SOX5: variants seen among roughly 807,000 people sequenced by gnomAD.
The protein encoded by SOX5 is SRY-box transcription factor 5.
SOX5 carries 9 observed loss-of-function variants against 92.0 expected under a neutral mutation model. The observed-to-expected ratio is 0.10, with a 90% CI of 0.06 to 0.17. The LOEUF is 0.17. Ranked by LOEUF, SOX5 falls within the 10% of genes least tolerant of loss-of-function variation. The pLI is 1.00. For missense variants in SOX5, 642 were observed against 944.5 expected (o/e 0.68, Z 4.20); for synonymous variants, 344 against 336.3 (o/e 1.02, Z -0.25).
chr12:23,638,113 C>A (rs10842196), intron 8 of SOX5: 6 of 152,096 alleles, frequency 3.9e-5, no homozygotes, highest in Non-Finnish European at 7.4e-5. Flanking sequence ...CAGACCTGGC[C>A]ACCCCTCTCT....
intron 4 of SOX5, among the ~76,000 whole-genome samples, chr12:24,095,130 G>C (rs113573152): frequency 0.1 from 4,933 of 48,052 alleles, 177 homozygotes; most frequent in African/African-American, 0.25. Flanking sequence ...CACACACACA[G>C]AGAGAGAGAG....
At chr12:23,686,940 T>C (rs924614382) in intron 6 of SOX5, among the ~76,000 whole-genome samples, 6 of 152,078 alleles carry the variant, frequency 3.9e-5, no homozygotes, top group Non-Finnish European at 7.4e-5. Flanking sequence ...TGACAGGCAG[T>C]CTTTATTTAA....
At chr12:24,476,411 C>T (rs1945384785) in intron 1 of SOX5, among the ~76,000 whole-genome samples, 1 of 152,162 alleles carries the variant, frequency 6.6e-6, no homozygotes, top group African/African-American at 2.4e-5. Flanking sequence ...ACTGCTGCTC[C>T]AGAGAACTCA....
chr12:24,124,562 C>CAAA (rs35701853), intron 4 of SOX5, among the ~76,000 whole-genome samples: 6 of 133,668 alleles, frequency 4.5e-5, no homozygotes, highest in South Asian at 4.6e-4. Context: ...AGGAATGGGA[C>CAAA]AAAAAAAAAA....
chr12:23,688,773 C>T (rs1020375550), intron 6 of SOX5, among the ~76,000 whole-genome samples: 1 of 152,062 alleles, frequency 6.6e-6, no homozygotes, highest in Non-Finnish European at 1.5e-5. Context: ...GTAAATATCA[C>T]ATACATGTAC....
intron 4 of SOX5, among the ~76,000 whole-genome samples, chr12:24,040,467 GT>G (rs1245004890): frequency 5.3e-5 from 8 of 152,294 alleles, no homozygotes; most frequent in African/African-American, 1.9e-4. Context: ...TGCCCTTGTG[GT>G]TGTTCAAAAA....
At chr12:24,287,744 T>A (rs1946079031) in intron 2 of SOX5, among the ~76,000 whole-genome samples, 1 of 152,126 alleles carries the variant, frequency 6.6e-6, no homozygotes, top group South Asian at 2.1e-4. Context: ...TCATTTTTAC[T>A]TAAGCGATCT....
Position 23,555,815 on chromosome 12 carries a change from C to T in SOX5, c.1488+7443G>A, listed in dbSNP as rs374308246. ...CTCTGATCTTTGCAGTCTGCAGACT[C>T]GGCATGTATTTCAATTAAATACCCC... is the stretch of plus-strand genomic sequence containing the variant. On this transcript the variant is annotated intron_variant, in intron 11 of 14. Transcript: ENST00000451604. 7.9e-5 allele frequency among the ~76,000 whole-genome samples: 12 copies of T among 152,106 alleles called. No homozygotes were observed. The East Asian group carries it at 1.2e-3, about 15-fold the overall frequency.
rs891793819 is a variant in SOX5, at chr12:24,471,015, A to G, written c.-251+91314T>C. 2.0e-5 allele frequency among the ~76,000 whole-genome samples: 3 copies of G among 152,304 alleles called. No individual in the cohort carries two copies. In the East Asian group the frequency reaches 5.8e-4, roughly 29 times the overall value. ...TGATCCATTACCATTCACAAATAAG[A>G]TAATATTTTTCTTCAAAATAATCAG... On this transcript the variant is annotated intron_variant, in intron 1 of 4. Coordinates refer to the SOX5 transcript ENST00000446891.
At chr12:23,906,868 C>A (rs1021488531) in intron 1 of SOX5, among the ~76,000 whole-genome samples, 3 of 151,704 alleles carry the variant, frequency 2.0e-5, no homozygotes, top group African/African-American at 2.4e-5. Context: ...AAATCAGAAG[C>A]CTTTTGGATT....
rs1024469279 is a variant in SOX5, at chr12:23,707,800, C to G, written c.810+26884G>C. 2.6e-5 allele frequency among the ~76,000 whole-genome samples: 4 copies of G among 152,128 alleles called. No homozygotes were observed. The South Asian group carries it at 8.3e-4, about 32-fold the overall frequency. On this transcript the variant is annotated intron_variant, in intron 6 of 14. Coordinates refer to ENST00000451604, the MANE Select transcript of SOX5 (RefSeq NM_006940.6). ...CATAAAGAACTAAGAAGTTAATTTG[C>G]ACTTCCACACATTTTCATTAAAACA...
At chr12:24,358,930 C>G (rs1227831575) in intron 2 of SOX5, among the ~76,000 whole-genome samples, 1 of 152,202 alleles carries the variant, frequency 6.6e-6, no homozygotes, top group African/African-American at 2.4e-5. Context: ...ACTAAAGTCT[C>G]ACGTTTACCT....
At chr12:24,202,145 G>A (rs763089562) in intron 4 of SOX5, among the ~76,000 whole-genome samples, 1 of 152,162 alleles carries the variant, frequency 6.6e-6, no homozygotes, top group Admixed American at 6.6e-5. Flanking sequence ...TATCCCCGGG[G>A]TTTACACAGT....
intron 2 of SOX5, among the ~76,000 whole-genome samples, chr12:24,335,855 AT>A (rs1488969571): frequency 6.6e-6 from 1 of 151,188 alleles, no homozygotes; most frequent in Non-Finnish European, 1.5e-5. Flanking sequence ...CATAGATTCT[AT>A]TTACAACTGT....
chr12:24,258,844 GTAC>G (rs1414074169), intron 3 of SOX5, among the ~76,000 whole-genome samples: 1 of 152,074 alleles, frequency 6.6e-6, no homozygotes, highest in Non-Finnish European at 1.5e-5. Context: ...TGTGAAATAG[GTAC>G]TATTATCTCA....
intron 4 of SOX5, among the ~76,000 whole-genome samples, chr12:23,970,841 A>ATATATATATATTT: frequency 4.6e-5 from 1 of 21,884 alleles, no homozygotes; most frequent in African/African-American, 1.2e-4. Flanking sequence ...TATATATATA[A>ATATATATATATTT]TTTTTTTTTT....
At chr12:23,948,379 T>C (rs1944966372) in intron 1 of SOX5, among the ~76,000 whole-genome samples, 1 of 152,144 alleles carries the variant, frequency 6.6e-6, no homozygotes, top group Non-Finnish European at 1.5e-5. Flanking sequence ...CTTCCATTGC[T>C]TCACTTCTAG....
intron 4 of SOX5, among the ~76,000 whole-genome samples, chr12:24,160,536 C>G (rs1258065133): frequency 3.3e-5 from 5 of 151,826 alleles, no homozygotes; most frequent in Admixed American, 1.3e-4. Context: ...AGTGATCTTT[C>G]TTTTATTAGA....
intron 3 of SOX5, among the ~76,000 whole-genome samples, chr12:23,835,090 T>A (rs1334539152): frequency 6.6e-6 from 1 of 151,874 alleles, no homozygotes; most frequent in Non-Finnish European, 1.5e-5. Flanking sequence ...TCCACATTTA[T>A]GACCACTGCT....
Sources: allele counts gnomAD v4.1 joint callset (sites outside exome capture counted in the v4.1 genomes callset), GRCh38; gene constraint gnomAD v4.1.1; transcripts MANE v1.5; gene names NCBI Gene and HGNC (gene_info 2026-07-23, HGNC 2026-07-21).